The following SH3D19 variants were observed in gnomAD, a reference collection of about 807,000 sequenced individuals.
SH3D19 encodes SH3 domain containing 19.
SH3D19 carries 58 observed loss-of-function variants against 112.1 expected under a neutral mutation model. The observed-to-expected ratio is 0.52, with a 90% confidence interval of 0.42 to 0.64. SH3D19 has a LOEUF of 0.64. Ranked by LOEUF, SH3D19 falls within the 30% of genes least tolerant of loss-of-function variation. SH3D19 has a pLI of 0.00. For missense variants in SH3D19, 1,090 were observed against 1,263.4 expected (o/e 0.86, Z 2.08); for synonymous variants, 391 against 448.5 (o/e 0.87, Z 1.62).
At chr4:151,282,485 C>T in intron 1 of SH3D19, 2 of 1,471,586 alleles carry the variant, frequency 1.4e-6, no homozygotes, top group Non-Finnish European at 1.9e-6. Context: ...ATATTCTAGG[C>T]ATATCCTTAC....
In SH3D19 at chr4:151,121,504, A is replaced by C. The variant is rs925786070; in HGVS notation, c.*587T>G. On this transcript the variant is annotated 3_prime_UTR_variant, in exon 20 of 20. Transcript: ENST00000604030. ...CAAATGGGAATCACTTGGTAACATA[A>C]AGATTATTTTGGTGGGCAGGGGCTG... 6 of 152,466 alleles carry C rather than the reference A, an allele frequency of 3.9e-5. No homozygotes were observed. Among genetic ancestry groups the C allele is most frequent in the African/African-American group, 1.4e-4 (6 of 41,456 alleles). 9.4% of individuals were successfully genotyped at this position (152,466 alleles called of 1,614,324 possible).
At chr4:151,316,477 A>G (rs918242751) in intron 1 of SH3D19, among the ~76,000 whole-genome samples, 5 of 152,212 alleles carry the variant, frequency 3.3e-5, no homozygotes, top group African/African-American at 1.2e-4. Context: ...AATCTACCAT[A>G]CTAAGATGCT....
intron 1 of SH3D19, among the ~76,000 whole-genome samples, chr4:151,274,761 G>A (rs1247840851): frequency 6.6e-6 from 1 of 152,144 alleles, no homozygotes; most frequent in South Asian, 2.1e-4. Flanking sequence ...CTGTAACAAA[G>A]TACCACAGAC....
chr4:151,175,358 G>T lies in SH3D19; in HGVS notation c.846C>A (p.Asn282Lys). 1 of 1,605,472 alleles carries T rather than the reference G, an allele frequency of 6.2e-7. No individual in the cohort carries two copies. Among genetic ancestry groups the T allele is most frequent in the Non-Finnish European group, 8.5e-7 (1 of 1,175,764 alleles). Reference protein sequence around the residue: ...ASTSDSQAVMNIMNTEQSQNS... With the variant: ...ASTSDSQAVMKIMNTEQSQNS... ...TTTGGCTTTGTTCTGTGTTCATAATGTTCATCACTGCCTGACTGTCTGAGG... is the reference window on the plus strand; with the variant it reads ...TTTGGCTTTGTTCTGTGTTCATAATTTTCATCACTGCCTGACTGTCTGAGG... Residue 282 changes from asparagine (N) to lysine (K), a missense_variant, in exon 7 of 20, where the codon AAC (asparagine) becomes AAA (lysine). Transcript: ENST00000604030.
At chr4:151,282,458 T>TG in intron 1 of SH3D19, 1 of 1,599,512 alleles carries the variant, frequency 6.3e-7, no homozygotes, top group Non-Finnish European at 8.6e-7. Context: ...GTCATCCTCT[T>TG]GTACTCCAGA....
intron 2 of SH3D19, among the ~76,000 whole-genome samples, chr4:151,204,883 TG>T: frequency 6.6e-6 from 1 of 151,668 alleles, no homozygotes. Context: ...TGCAGTGGTG[TG>T]ATCTCGGCTC....
chr4:151,292,402 C>T (rs1284895433), intron 1 of SH3D19, among the ~76,000 whole-genome samples: 8 of 152,146 alleles, frequency 5.3e-5, no homozygotes, highest in Non-Finnish European at 1.2e-4. Flanking sequence ...GTGTGACCTA[C>T]TACGAACAAT....
chr4:151,239,622 A>G (rs563255806), intron 1 of SH3D19, among the ~76,000 whole-genome samples: 1 of 152,342 alleles, frequency 6.6e-6, no homozygotes, highest in Non-Finnish European at 1.5e-5. Flanking sequence ...GAAGCATAGG[A>G]AGCTACACAA....
At chr4:151,316,377 C>T (rs979192171) in intron 1 of SH3D19, among the ~76,000 whole-genome samples, 4 of 151,978 alleles carry the variant, frequency 2.6e-5, no homozygotes, top group African/African-American at 7.3e-5. Flanking sequence ...AATACTGCAA[C>T]ACAAAAAAGG....
At chr4:151,277,976 G>A (rs1163528558) in intron 1 of SH3D19, among the ~76,000 whole-genome samples, 6 of 152,300 alleles carry the variant, frequency 3.9e-5, no homozygotes, top group African/African-American at 1.4e-4. Context: ...GGAAAGTGGA[G>A]GTTGCAGTAA....
chr4:151,221,293 G>A (rs544321085), intron 2 of SH3D19, among the ~76,000 whole-genome samples: 2 of 151,938 alleles, frequency 1.3e-5, no homozygotes, highest in South Asian at 2.1e-4. Context: ...GTGGCCTGAG[G>A]AGAACCGAAA....
intron 2 of SH3D19, among the ~76,000 whole-genome samples, chr4:151,210,233 G>T (rs1254367920): frequency 1.3e-5 from 2 of 152,188 alleles, no homozygotes; most frequent in African/African-American, 4.8e-5. Context: ...GTAGGTATAA[G>T]AATCTGATTA....
chr4:151,188,484 T>C (rs1006447853), intron 2 of SH3D19, among the ~76,000 whole-genome samples: 2 of 152,206 alleles, frequency 1.3e-5, no homozygotes, highest in African/African-American at 4.8e-5. Context: ...TAAGTATCCC[T>C]AATCCAAAAA....
In SH3D19 at chr4:151,175,144, T is replaced by C; in HGVS notation, c.1060A>G (p.Asn354Asp). Residue 354 changes from asparagine (N) to aspartate (D), a missense_variant, in exon 7 of 20, where the codon AAC becomes GAC. Physicochemically the swap from Asn to Asp is conservative, Grantham distance 23. Transcript: ENST00000604030. Reference sequence around the variant, plus strand: ...TCCTTGGAGGTCACCTTGAGTCTGTTCTCAGTCCCAGAGTCCCACTCTCCA... The same window carrying C: ...TCCTTGGAGGTCACCTTGAGTCTGTCCTCAGTCCCAGAGTCCCACTCTCCA... ...ASGEWDSGTENRLKVTSKEGL... is the reference protein window; with the variant it reads ...ASGEWDSGTEDRLKVTSKEGL... The C allele has an allele frequency of 1.2e-6, 2 of 1,614,118 alleles. No homozygotes were observed. The highest frequency in any genetic ancestry group is 1.7e-6 in the Non-Finnish European group (2 of 1,180,010).
chr4:151,296,006 A>G lies in SH3D19; in HGVS notation c.112+29235T>C, dbSNP rs559471324. Among the ~76,000 whole-genome samples the G allele has an allele frequency of 4.0e-5, 6 of 149,408 alleles. No homozygotes were observed. The South Asian group carries it at 1.1e-3, about 26-fold the overall frequency. ...AGCTGAGATCGTACCACTGCACTCC[A>G]GCCTGGCGACAGAGCAAGGCTCCGT... On this transcript the variant is annotated intron_variant, in intron 1 of 19. Transcript: ENST00000604030.
At position 151,282,356 on chromosome 4, in the gene SH3D19, T is replaced by C. The variant is rs1420203103; in HGVS notation, c.112+42885A>G. ...TTGCTTGCCCAGTGTCACAAAGCAG[T>C]TGGCAATTCCACCCTTTTGTTGGGT... On this transcript the variant is annotated intron_variant, in intron 1 of 19. Coordinates refer to ENST00000604030, the MANE Select transcript of SH3D19 (RefSeq NM_001378122.1). The C allele has an allele frequency of 6.8e-6, 11 of 1,613,928 alleles. No individual in the cohort carries two copies. In the African/African-American group the frequency reaches 8.0e-5, roughly 12 times the overall value.
At chr4:151,132,044 G>A (rs952107506) in intron 17 of SH3D19, among the ~76,000 whole-genome samples, 7 of 151,378 alleles carry the variant, frequency 4.6e-5, no homozygotes, top group Non-Finnish European at 8.8e-5. Context: ...GGCTGGTCTC[G>A]AACTCCTAAC....
chr4:151,279,989 C>A, intron 1 of SH3D19: 1 of 1,316,350 alleles, frequency 7.6e-7, no homozygotes, highest in Non-Finnish European at 1.0e-6. Context: ...AACACACAGA[C>A]AGGTTCTCAG....
At chr4:151,277,982 A>G (rs1773808858) in intron 1 of SH3D19, among the ~76,000 whole-genome samples, 1 of 152,200 alleles carries the variant, frequency 6.6e-6, no homozygotes, top group Admixed American at 6.5e-5. Flanking sequence ...TGGAGGTTGC[A>G]GTAAGCCGAG....
Sources: allele counts gnomAD v4.1 joint callset (sites outside exome capture counted in the v4.1 genomes callset), GRCh38; gene constraint gnomAD v4.1.1; transcripts MANE v1.5; gene names NCBI Gene and HGNC (gene_info 2026-07-23, HGNC 2026-07-21).